Variants in OR2J3 observed in about 807,000 individuals in gnomAD.
OR2J3 encodes the protein olfactory receptor family 2 subfamily J member 3, also known as olfactory receptor 2J3.
Under a neutral mutation model 18.5 loss-of-function variants are expected in OR2J3, and 13 were observed. The ratio of observed to expected loss-of-function variants is 0.70; its 90% CI spans 0.46 to 1.12. The LOEUF is 1.12. Ranked by LOEUF, OR2J3 falls within the 50% of genes most tolerant of loss-of-function variation. The probability of loss-of-function intolerance (pLI) is 0.00; values close to 1 mark genes in which losing one functional copy is unlikely to be tolerated. For synonymous variants in OR2J3, 142 were observed against 140.6 expected (o/e 1.01, Z -0.07); for missense variants, 321 against 371.6 (o/e 0.86, Z 1.12).
chr6:29,112,661 G>A lies in OR2J3; in HGVS notation c.771G>A (p.Pro257=), dbSNP rs556178725. ...HLMAVSLFFI[P]AMCMYLQPPS... ...TGGCTGTATCTCTCTTTTTCATTCC[G>A]GCCATGTGCATGTATCTCCAGCCAC... Residue 257 remains proline, a synonymous_variant, in exon 4 of 4, where the codon CCG becomes CCA. Coordinates refer to ENST00000641151, the MANE Select transcript of OR2J3 (RefSeq NM_001005216.4). The A allele has an allele frequency of 4.8e-5, 77 of 1,613,892 alleles. 1 individual carries two copies. The highest frequency in any genetic ancestry group is 3.1e-4 in the South Asian group (28 of 91,060).
Position 29,111,995 on chromosome 6 carries a change from G to T in OR2J3, c.105G>T (p.Leu35Phe). 1 of 1,614,014 alleles carries T rather than the reference G, an allele frequency of 6.2e-7. No individual in the cohort carries two copies. Among genetic ancestry groups the T allele is most frequent in the Non-Finnish European group, 8.5e-7 (1 of 1,180,012 alleles). ...AAGTAGTTATCTTTGTGGTTGTCTT[G>T]ATCTTCTACTTGATGACACTGATAG... ...HLEVVIFVVV[L>F]IFYLMTLIGN... Residue 35 changes from leucine (L) to phenylalanine (F), a missense_variant, in exon 4 of 4, where the codon TTG becomes TTT. Leu to Phe is a conservative substitution (Grantham distance 22, BLOSUM62 0). Transcript: ENST00000641151.
Position 29,112,638 on chromosome 6 carries a change from G to C in OR2J3, c.748G>C (p.Ala250Pro), listed in dbSNP as rs374997421. Reference sequence around the variant, plus strand: ...TGGAACATGTGGAGCTCATCTTATGGCTGTATCTCTCTTTTTCATTCCGGC... The same window carrying C: ...TGGAACATGTGGAGCTCATCTTATGCCTGTATCTCTCTTTTTCATTCCGGC... ...VFGTCGAHLM[A>P]VSLFFIPAMC... Residue 250 changes from alanine to proline, a missense_variant, in exon 4 of 4, where the codon GCT becomes CCT. Physicochemically the swap from Ala to Pro is conservative, Grantham distance 27 (BLOSUM62 -1). Transcript: ENST00000641151. 1 of 1,613,948 alleles carries C rather than the reference G, an allele frequency of 6.2e-7. No individual in the cohort carries two copies. Among genetic ancestry groups the C allele is most frequent in the African/African-American group, 1.3e-5 (1 of 74,900 alleles).
chr6:29,108,334 C>T (rs1191786811), intron 1 of OR2J3, 39 bp downstream of exon 1: 1 of 152,106 alleles, frequency 6.6e-6, no homozygotes, highest in Non-Finnish European at 1.5e-5. Context: ...AATAAAAAAA[C>T]TTGGCCAGTG....
chr6:29,111,795 C>A (rs369109971), intron 3 of OR2J3, 86 bp from the exon 4 acceptor site: 7 of 1,306,982 alleles, frequency 5.4e-6, no homozygotes, highest in South Asian at 1.5e-5. Flanking sequence ...TTCAAACTGG[C>A]TTTTATTTTT....
Position 29,112,343 on chromosome 6 carries a change from T to C in OR2J3, c.453T>C (p.Ser151=). Residue 151 remains serine (S), a synonymous_variant, in exon 4 of 4, where the codon TCT becomes TCC. Transcript: ENST00000641151. ...PRFCHLLAVA[S]WVSGFTNSAL... is the part of the protein sequence containing the mutation. Reference sequence around the variant, plus strand: ...TCTGCCACCTGCTGGCTGTGGCTTCTTGGGTAAGTGGTTTTACCAACTCAG... The same window carrying C: ...TCTGCCACCTGCTGGCTGTGGCTTCCTGGGTAAGTGGTTTTACCAACTCAG... 2 of 1,614,192 alleles carry C rather than the reference T, an allele frequency of 1.2e-6. No homozygotes were observed. The highest frequency in any genetic ancestry group is 1.7e-6 in the Non-Finnish European group (2 of 1,180,042).
At position 29,112,309 on chromosome 6, in the gene OR2J3, A is replaced by C. The variant is rs1562548224; in HGVS notation, c.419A>C (p.His140Pro). 1 of 1,614,020 alleles carries C rather than the reference A, an allele frequency of 6.2e-7. No individual in the cohort carries two copies. The highest frequency in any genetic ancestry group is 1.3e-5 in the African/African-American group (1 of 74,978). The change falls in exon 4 of 4, where the codon CAC becomes CCC. Residue 140 changes from histidine (H) to proline (P), a missense_variant. Coordinates refer to ENST00000641151, the MANE Select transcript of OR2J3 (RefSeq NM_001005216.4). ...CCTTTGCATTACACTGTCCTCATGCACCCTCGTTTCTGCCACCTGCTGGCT... is the reference window on the plus strand; with the variant it reads ...CCTTTGCATTACACTGTCCTCATGCCCCCTCGTTTCTGCCACCTGCTGGCT... The part of the protein sequence containing the change: ...CRPLHYTVLM[H>P]PRFCHLLAVA...
At position 29,114,630 on chromosome 6, in the gene OR2J3, A is replaced by G. The variant is rs1295295788; in HGVS notation, c.*1804A>G. The G allele has an allele frequency of 6.6e-6, 1 of 152,144 alleles. No individual in the cohort carries two copies. Among genetic ancestry groups the G allele is most frequent in the Non-Finnish European group, 1.5e-5 (1 of 68,012 alleles). 9.4% of individuals were successfully genotyped at this position (152,144 alleles called of 1,614,324 possible). A position where few individuals can be genotyped will look rare whatever the true frequency, so the allele number is the denominator to read the frequency against. On this transcript the variant is annotated 3_prime_UTR_variant, in exon 4 of 4. Coordinates refer to ENST00000641151, the MANE Select transcript of OR2J3 (RefSeq NM_001005216.4). ...GGATCTATTATCTTAGCAGTTTTCA[A>G]CTATGCAGTACAGTATTATTAGCTA...
At position 29,111,293 on chromosome 6, in the gene OR2J3, T is replaced by C. The variant is rs547623902; in HGVS notation, c.-10-588T>C. Among the ~76,000 whole-genome samples the C allele has an allele frequency of 2.2e-4, 34 of 152,182 alleles. 1 individual carries two copies. Among genetic ancestry groups the C allele is most frequent in the Non-Finnish European group, 7.4e-5 (5 of 68,022 alleles). ...GAGTTTTTCTCATGTGTCTTCATTA[T>C]TAGAATTAGTCTTCATTATTAGAAT... On this transcript the variant is annotated intron_variant, in intron 3 of 3. Transcript: ENST00000641151.
intron 3 of OR2J3, among the ~76,000 whole-genome samples, chr6:29,111,266 T>G (rs1762116451): frequency 6.6e-6 from 1 of 152,196 alleles, no homozygotes; most frequent in Admixed American, 6.5e-5. Flanking sequence ...TTCTCTCAAT[T>G]TGAGTTTTTC....
chr6:29,112,680 C>T lies in OR2J3; in HGVS notation c.790C>T (p.Gln264Ter), dbSNP rs372536106. The stretch of plus-strand genomic sequence containing the variant: ...CATTCCGGCCATGTGCATGTATCTC[C>T]AGCCACCATCAGGAAATTCTCAAGA... The part of the protein sequence containing the change: ...FFIPAMCMYL[Q>*]PPSGNSQDQG... Residue 264 changes from glutamine to a stop codon, truncating the protein, a stop_gained, in exon 4 of 4, where the codon CAG becomes TAG. Coordinates refer to ENST00000641151, the MANE Select transcript of OR2J3 (RefSeq NM_001005216.4). LOFTEE classifies it high-confidence loss of function. The T allele has an allele frequency of 3.1e-6, 5 of 1,613,940 alleles. No individual in the cohort carries two copies. The highest frequency in any genetic ancestry group is 4.2e-6 in the Non-Finnish European group (5 of 1,179,982).
rs562831361 is a variant in OR2J3, at chr6:29,108,220, A to G, written c.-256A>G. On this transcript the variant is annotated 5_prime_UTR_variant, in exon 1 of 4. Transcript: ENST00000641151. ...CATGATGAGGGCATCAGCTAGGAAG[A>G]CAATATACAGGGAATGTGGACAGAT... The G allele has an allele frequency of 1.3e-5, 2 of 152,236 alleles. No homozygotes were observed. The highest frequency in any genetic ancestry group is 2.9e-5 in the Non-Finnish European group (2 of 68,072). 9.4% of individuals were successfully genotyped at this position (152,236 alleles called of 1,614,324 possible). A position where few individuals can be genotyped will look rare whatever the true frequency, so the allele number is the denominator to read the frequency against.
chr6:29,108,861 C>T lies in OR2J3; in HGVS notation c.-25C>T, dbSNP rs938274738. The T allele has an allele frequency of 1.3e-5, 2 of 152,180 alleles. No individual in the cohort carries two copies. Among genetic ancestry groups the T allele is most frequent in the African/African-American group, 2.4e-5 (1 of 41,446 alleles). 9.4% of individuals were successfully genotyped at this position (152,180 alleles called of 1,614,324 possible). Reference sequence around the variant, plus strand: ...TAACCCAGAAAAATTCCTACCTTTTCCTTGCTTGCATCTGGTAAGTTTTTG... The same window carrying T: ...TAACCCAGAAAAATTCCTACCTTTTTCTTGCTTGCATCTGGTAAGTTTTTG... On this transcript the variant is annotated 5_prime_UTR_variant, in exon 3 of 4. Transcript: ENST00000641151.
At position 29,113,925 on chromosome 6, in the gene OR2J3, G is replaced by A. The variant is rs1762241818; in HGVS notation, c.*1099G>A. On this transcript the variant is annotated 3_prime_UTR_variant, in exon 4 of 4. Coordinates refer to ENST00000641151, the MANE Select transcript of OR2J3 (RefSeq NM_001005216.4). Reference sequence around the variant, plus strand: ...AGAGCAATTTAAACTGACAGTCATAGTCAAATGAAGCGGAAAAATGGCTAA... The same window carrying A: ...AGAGCAATTTAAACTGACAGTCATAATCAAATGAAGCGGAAAAATGGCTAA... 6.6e-6 allele frequency: 1 copy of A among 152,130 alleles called. No homozygotes were observed. Among genetic ancestry groups the A allele is most frequent in the East Asian group, 1.9e-4 (1 of 5,202 alleles). The allele number at this position is 152,130 out of a possible 1,614,324, so 9.4% of individuals were successfully genotyped here.
At chr6:29,109,140 T>C (rs1279015428) in intron 3 of OR2J3, among the ~76,000 whole-genome samples, 1 of 152,172 alleles carries the variant, frequency 6.6e-6, no homozygotes, top group Non-Finnish European at 1.5e-5. Context: ...TCTTGGAAAA[T>C]TTTCATCTTC....
chr6:29,112,562 C>T lies in OR2J3; in HGVS notation c.672C>T (p.Ile224=), dbSNP rs533563712. Residue 224 remains isoleucine (I), a synonymous_variant, in exon 4 of 4, where the codon ATC becomes ATT. Transcript: ENST00000641151. ...TCATTCTCACTTCTTATGGTGCCAT[C>T]GTCCGAGCTATACTGAGGATGCAGT... ...LILILTSYGA[I]VRAILRMQST... 99 of 1,614,030 alleles carry T rather than the reference C, an allele frequency of 6.1e-5. No homozygotes were observed. The East Asian group carries it at 1.4e-3, about 24-fold the overall frequency.
rs1238207949 is a variant in OR2J3, at chr6:29,111,919, G to A, written c.29G>A (p.Ser10Asn). The change falls in exon 4 of 4, where the codon AGC becomes AAC. Residue 10 changes from serine (S) to asparagine (N), a missense_variant. Transcript: ENST00000641151. The part of the protein sequence containing the change: MNDDGKVNA[S>N]SEGYFILVGF... ...AATGATGATGGAAAAGTCAATGCTAGCTCTGAGGGGTACTTTATTTTAGTT... is the reference window on the plus strand; with the variant it reads ...AATGATGATGGAAAAGTCAATGCTAACTCTGAGGGGTACTTTATTTTAGTT... 2.5e-6 allele frequency: 4 copies of A among 1,613,342 alleles called. No individual in the cohort carries two copies. In the African/African-American group the frequency reaches 5.3e-5, roughly 22 times the overall value.
Position 29,111,976 on chromosome 6 carries a change from T to C in OR2J3, c.86T>C (p.Val29Ala). The C allele has an allele frequency of 1.2e-6, 2 of 1,614,086 alleles. No individual in the cohort carries two copies. Among genetic ancestry groups the C allele is most frequent in the Non-Finnish European group, 1.7e-6 (2 of 1,180,016 alleles). The stretch of plus-strand genomic sequence containing the variant: ...TCTAATTGGCCTCATCTGGAAGTAG[T>C]TATCTTTGTGGTTGTCTTGATCTTC... ...GFSNWPHLEV[V>A]IFVVVLIFYL... The change falls in exon 4 of 4, where the codon GTT (valine) becomes GCT (alanine). Residue 29 changes from valine (V) to alanine (A), a missense_variant. Physicochemically the swap from Val to Ala is moderately conservative, Grantham distance 64. Transcript: ENST00000641151.
chr6:29,112,920 ACT>A lies in OR2J3; in HGVS notation c.*97_*98del. ...TTATCAACCATTCTTTTATTCACTCACTCTGTTAGCACTTGCTGAGCATGTAC... is the reference window on the plus strand; with the variant it reads ...TTATCAACCATTCTTTTATTCACTCACTGTTAGCACTTGCTGAGCATGTAC... On this transcript the variant is annotated 3_prime_UTR_variant, in exon 4 of 4. Transcript: ENST00000641151. 1 of 1,419,976 alleles carries A rather than the reference ACT, an allele frequency of 7.0e-7. No homozygotes were observed. The highest frequency in any genetic ancestry group is 1.4e-5 in the South Asian group (1 of 69,232). The allele number at this position is 1,419,976 out of a possible 1,614,324, so 88.0% of individuals were successfully genotyped here.
In OR2J3 at chr6:29,111,887, G is replaced by C. The variant is rs57834591; in HGVS notation, c.-4G>C. 1.2e-6 allele frequency: 2 copies of C among 1,600,260 alleles called. No homozygotes were observed. Among genetic ancestry groups the C allele is most frequent in the Non-Finnish European group, 1.7e-6 (2 of 1,174,324 alleles). ...TTTCTTTTTTTTCTCTCAGGTAATA[G>C]GAAATGAATGATGATGGAAAAGTCA... is the stretch of plus-strand genomic sequence containing the variant. On this transcript the variant is annotated 5_prime_UTR_variant, in exon 4 of 4. Coordinates refer to ENST00000641151, the MANE Select transcript of OR2J3 (RefSeq NM_001005216.4).
Sources: gnomAD v4.1 joint callset for allele counts (sites outside exome capture counted in the v4.1 genomes callset) on GRCh38, gnomAD v4.1.1 for gene constraint, MANE v1.5 for transcripts, NCBI Gene and HGNC (gene_info 2026-07-23, HGNC 2026-07-21) for gene names.